Variants in TTBK2 observed in about 807,000 individuals in gnomAD.
TTBK2 encodes the protein tau-tubulin kinase 2.
TTBK2 carries 28 observed loss-of-function variants against 110.8 expected under a neutral mutation model. That is an observed-to-expected ratio of 0.25 (90% confidence interval 0.19 to 0.35). TTBK2 has a LOEUF of 0.35. Among genes scored for constraint, TTBK2 ranks in the 10% least tolerant of loss-of-function variants. The pLI, the probability that TTBK2 is intolerant of heterozygous loss-of-function variation, is 1.00. For synonymous variants in TTBK2, 532 were observed against 527.3 expected (o/e 1.01, Z -0.12); for missense variants, 1,369 against 1,500.3 (o/e 0.91, Z 1.45).
intron 1 of TTBK2, among the ~76,000 whole-genome samples, chr15:42,910,024 G>A (rs1226624184): frequency 2.0e-5 from 3 of 152,094 alleles, no homozygotes; most frequent in African/African-American, 7.2e-5. Flanking sequence ...AAAAAGGCAG[G>A]TGAGATCAGG....
chr15:42,810,881 C>G (rs1595935878), intron 8 of TTBK2, 142 bp from the exon 9 acceptor site: 2 of 932,322 alleles, frequency 2.1e-6, no homozygotes, highest in Non-Finnish European at 3.3e-6. Flanking sequence ...TGAGCTCTTA[C>G]TAACAGCTTA....
chr15:42,879,170 T>C (rs938487306), intron 1 of TTBK2, among the ~76,000 whole-genome samples: 1 of 152,130 alleles, frequency 6.6e-6, no homozygotes, highest in East Asian at 1.9e-4. Flanking sequence ...TTCAAGGACA[T>C]TGTAAGAAAA....
At chr15:42,801,199 T>A in intron 9 of TTBK2, 2 of 1,440,062 alleles carry the variant, frequency 1.4e-6, no homozygotes, top group Non-Finnish European at 9.6e-7. Flanking sequence ...ATGTTCTGCA[T>A]CCCAGACTCC....
intron 13 of TTBK2, among the ~76,000 whole-genome samples, chr15:42,763,157 C>CATACATATAT (rs1889132707): frequency 1.5e-4 from 3 of 20,464 alleles, no homozygotes; most frequent in African/African-American, 6.2e-4. Flanking sequence ...TATATATATA[C>CATACATATAT]ATATATATAT....
chr15:42,919,221 A>C (rs943691985), intron 1 of TTBK2, among the ~76,000 whole-genome samples: 10 of 152,176 alleles, frequency 6.6e-5, no homozygotes, highest in African/African-American at 2.4e-4. Context: ...TTTTGACTTC[A>C]GACAAATGCC....
At chr15:42,856,281 G>A (rs1893937230) in intron 3 of TTBK2, among the ~76,000 whole-genome samples, 1 of 151,968 alleles carries the variant, frequency 6.6e-6, no homozygotes, top group African/African-American at 2.4e-5. Flanking sequence ...AAATATGAAG[G>A]ATGGAAGAAC....
intron 4 of TTBK2, among the ~76,000 whole-genome samples, chr15:42,837,395 C>T (rs1167083846): frequency 3.3e-5 from 5 of 149,282 alleles, no homozygotes; most frequent in South Asian, 2.1e-4. Flanking sequence ...TGGTGGCTTA[C>T]GCCTGTAATC....
chr15:42,919,529 G>A (rs2031259892), intron 1 of TTBK2, among the ~76,000 whole-genome samples: 1 of 152,188 alleles, frequency 6.6e-6, no homozygotes, highest in Admixed American at 6.5e-5. Context: ...CTCTGCGTGT[G>A]TGTCTACATG....
chr15:42,760,825 C>A (rs540474263), intron 13 of TTBK2, among the ~76,000 whole-genome samples: 26 of 152,174 alleles, frequency 1.7e-4, no homozygotes, highest in Non-Finnish European at 3.2e-4. Context: ...ACATTTTTTG[C>A]AGAAATAGAA....
At chr15:42,812,720 A>G (rs1367059374) in intron 7 of TTBK2, among the ~76,000 whole-genome samples, 5 of 152,194 alleles carry the variant, frequency 3.3e-5, no homozygotes, top group Non-Finnish European at 5.9e-5. Flanking sequence ...TAAAATGTTA[A>G]AATGAAAAAT....
chr15:42,797,324 T>C (rs980637034), intron 9 of TTBK2, among the ~76,000 whole-genome samples: 34 of 152,358 alleles, frequency 2.2e-4, no homozygotes, highest in East Asian at 7.7e-4. Flanking sequence ...TGTCACAGTA[T>C]TGTATGTCTT....
At chr15:42,806,335 C>T (rs1263111660) in intron 9 of TTBK2, among the ~76,000 whole-genome samples, 8 of 152,220 alleles carry the variant, frequency 5.3e-5, no homozygotes, top group Admixed American at 5.2e-4. Flanking sequence ...CTCAGCTTAT[C>T]TCAGTACCTT....
intron 1 of TTBK2, among the ~76,000 whole-genome samples, chr15:42,912,909 A>G (rs1423500632): frequency 6.7e-6 from 1 of 149,576 alleles, no homozygotes; most frequent in East Asian, 2.0e-4. Flanking sequence ...GTGGATCATG[A>G]GGTCAGGAGA....
In TTBK2 at chr15:42,775,341, G is replaced by A; in HGVS notation, c.1792C>T (p.Leu598Phe). The change falls in exon 13 of 15, where the codon CTC (leucine) becomes TTC (phenylalanine). Residue 598 changes from leucine to phenylalanine, a missense_variant. By Grantham distance (22) the Leu-to-Phe change is conservative. Around this residue, in one of 4 missense-constraint regions of TTBK2, gnomAD observed 1,097 missense variants for 1,114.7 expected, o/e 0.98. Transcript: ENST00000267890. Reference sequence around the variant, plus strand: ...TTTTCTGCCCAAGGACCTAACTGGAGCTTTTCATCTTGAGGTGATGCCTCC... The same window carrying A: ...TTTTCTGCCCAAGGACCTAACTGGAACTTTTCATCTTGAGGTGATGCCTCC... ...VLEASPQDEK[L>F]QLGPWAENDH... 1 of 1,614,192 alleles carries A rather than the reference G, an allele frequency of 6.2e-7. No homozygotes were observed. Among genetic ancestry groups the A allele is most frequent in the Non-Finnish European group, 8.5e-7 (1 of 1,180,034 alleles).
At position 42,784,807 on chromosome 15, in the gene TTBK2, C is replaced by T. The variant is rs533241570; in HGVS notation, c.981-1172G>A. On this transcript the variant is annotated intron_variant, in intron 10 of 14. Transcript: ENST00000267890. ...ACTGTTTTGAAAGAAAGTTCATTGG[C>T]ATCAGAGAAGCTTTTGGGAGCTGGC... Among the ~76,000 whole-genome samples, 3 of 152,156 alleles carry T rather than the reference C, an allele frequency of 2.0e-5. No homozygotes were observed. The East Asian group carries it at 5.8e-4, about 29-fold the overall frequency.
At chr15:42,831,586 G>T (rs949170473) in intron 4 of TTBK2, among the ~76,000 whole-genome samples, 3 of 152,176 alleles carry the variant, frequency 2.0e-5, no homozygotes, top group African/African-American at 7.2e-5. Context: ...GGAAACTGAG[G>T]TTCAAAGAGG....
At chr15:42,746,350 A>G (rs1446906949) in intron 14 of TTBK2, 93 bp from the exon 15 acceptor site, 2 of 981,058 alleles carry the variant, frequency 2.0e-6, no homozygotes, top group African/African-American at 1.6e-5. Flanking sequence ...GTGAATGTGT[A>G]GAAATCAGAA....
intron 5 of TTBK2, among the ~76,000 whole-genome samples, chr15:42,829,677 G>A (rs538262449): frequency 6.6e-6 from 1 of 152,170 alleles, no homozygotes; most frequent in East Asian, 1.9e-4. Context: ...TGGGACTATG[G>A]GCATGTGCCA....
At chr15:42,772,710 G>C (rs1889729872) in intron 13 of TTBK2, among the ~76,000 whole-genome samples, 1 of 152,102 alleles carries the variant, frequency 6.6e-6, no homozygotes, top group Admixed American at 6.6e-5. Context: ...TTATAGACAG[G>C]CTGAGGTAGG....
Sources: gnomAD v4.1 joint callset for allele counts (sites outside exome capture counted in the v4.1 genomes callset) on GRCh38, gnomAD v4.1.1 for gene constraint, gnomAD v4.1.1 regional missense constraint, MANE v1.5 for transcripts, NCBI Gene and HGNC (gene_info 2026-07-23, HGNC 2026-07-21) for gene names.